Variants in SLC25A12 observed in about 807,000 individuals in gnomAD.
SLC25A12 encodes electrogenic aspartate/glutamate antiporter SLC25A12, mitochondrial.
SLC25A12 carries 32 observed loss-of-function variants against 83.3 expected under a neutral mutation model. That is an observed-to-expected ratio of 0.38 (90% confidence interval 0.29 to 0.52). The LOEUF is 0.52. Among genes scored for constraint, SLC25A12 ranks in the 20% least tolerant of loss-of-function variants. SLC25A12 has a pLI of 0.84. For missense variants in SLC25A12, 611 were observed against 835.6 expected, an observed-to-expected ratio of 0.73 and a Z score of 3.31; for synonymous variants, 267 against 291.1, an observed-to-expected ratio of 0.92 and a Z score of 0.84.
chr2:171,786,113 C>T (rs1026900626), intron 17 of SLC25A12, among the ~76,000 whole-genome samples: 4 of 151,744 alleles, frequency 2.6e-5, no homozygotes, highest in Admixed American at 6.6e-5. Flanking sequence ...TGGTGGCTCA[C>T]GCCTGTAATC....
intron 13 of SLC25A12, among the ~76,000 whole-genome samples, chr2:171,799,588 G>A (rs951759874): frequency 6.6e-6 from 1 of 152,180 alleles, no homozygotes; most frequent in Non-Finnish European, 1.5e-5. Context: ...TGTATGTGGT[G>A]TGTGTAGACA....
chr2:171,839,818 C>A (rs1037656110), intron 5 of SLC25A12, among the ~76,000 whole-genome samples: 5 of 152,132 alleles, frequency 3.3e-5, no homozygotes, highest in African/African-American at 9.7e-5. Context: ...ATTGGTACCT[C>A]TGGAAGTGAT....
intron 3 of SLC25A12, among the ~76,000 whole-genome samples, chr2:171,868,000 G>A (rs1406818050): frequency 2.0e-5 from 3 of 151,818 alleles, no homozygotes; most frequent in Admixed American, 6.6e-5. Context: ...GCCCGTCACC[G>A]TGTCTGGCTA....
chr2:171,791,104 G>C (rs1485481824), intron 15 of SLC25A12, among the ~76,000 whole-genome samples: 2 of 152,084 alleles, frequency 1.3e-5, no homozygotes, highest in Admixed American at 6.6e-5. Context: ...CTAAGCAACT[G>C]ATTTGAGGAA....
intron 2 of SLC25A12, among the ~76,000 whole-genome samples, chr2:171,885,967 C>G (rs890686184): frequency 6.6e-6 from 1 of 152,108 alleles, no homozygotes; most frequent in Non-Finnish European, 1.5e-5. Flanking sequence ...AAGTTAACAA[C>G]CTAGTATTTA....
At chr2:171,866,458 G>T (rs1685308798) in intron 3 of SLC25A12, among the ~76,000 whole-genome samples, 1 of 146,300 alleles carries the variant, frequency 6.8e-6, no homozygotes, top group Non-Finnish European at 1.5e-5. Context: ...GGCCGGGCAG[G>T]GGGCTGACCC....
chr2:171,888,139 T>C (rs1359732036), intron 2 of SLC25A12, among the ~76,000 whole-genome samples: 3 of 149,372 alleles, frequency 2.0e-5, no homozygotes, highest in African/African-American at 7.4e-5. Context: ...CTGTCACCCA[T>C]GCTGGAGTGC....
intron 13 of SLC25A12, among the ~76,000 whole-genome samples, chr2:171,809,115 T>G (rs1018384337): frequency 2.6e-5 from 4 of 152,232 alleles, no homozygotes; most frequent in African/African-American, 9.6e-5. Context: ...TGATGGGCAT[T>G]TGGGTTGGTT....
At chr2:171,891,298 C>CAA (rs778681604) in intron 2 of SLC25A12, among the ~76,000 whole-genome samples, 2 of 137,226 alleles carry the variant, frequency 1.5e-5, no homozygotes, top group Admixed American at 7.4e-5. Flanking sequence ...GACTCCATCT[C>CAA]AAAAAAAAAA....
intron 8 of SLC25A12, among the ~76,000 whole-genome samples, chr2:171,828,621 C>T (rs960718363): frequency 6.6e-6 from 1 of 152,162 alleles, no homozygotes; most frequent in Non-Finnish European, 1.5e-5. Context: ...TGTCGAGGGC[C>T]TGAGTGGAAT....
rs574868597 is a variant in SLC25A12 at position 171,789,167 on chromosome 2, C to G, written c.1586-1220G>C. On this transcript the variant is annotated intron_variant, in intron 15 of 17. Transcript: ENST00000422440. ...GTGGTTCACGCTTGTAATCCCAGCA[C>G]TTTGGAAGGCCAAGATGGGAGGATC... is the stretch of plus-strand genomic sequence containing the variant. 2.2e-4 allele frequency among the ~76,000 whole-genome samples: 33 copies of G among 152,290 alleles called. No homozygotes were observed. In the South Asian group the frequency reaches 6.8e-3, roughly 32 times the overall value.
intron 2 of SLC25A12, among the ~76,000 whole-genome samples, chr2:171,886,634 C>T (rs1344990822): frequency 6.6e-6 from 1 of 151,852 alleles, no homozygotes; most frequent in Non-Finnish European, 1.5e-5. Context: ...CTCAGCCTCC[C>T]GAGTAGCTGG....
chr2:171,809,297 T>C (rs1011737643), intron 13 of SLC25A12: 1 of 353,182 alleles, frequency 2.8e-6, no homozygotes, highest in African/African-American at 2.1e-5. Context: ...TCCACAATGG[T>C]TGAACTAATT....
intron 3 of SLC25A12, among the ~76,000 whole-genome samples, chr2:171,865,112 T>C (rs1189473089): frequency 6.6e-6 from 1 of 152,174 alleles, no homozygotes; most frequent in Non-Finnish European, 1.5e-5. Context: ...TTTTCACTGA[T>C]ATATTAATAA....
rs765660768 is a variant in SLC25A12 at position 171,793,628 on chromosome 2, T to C, written c.1445A>G (p.Lys482Arg). 6 of 1,614,050 alleles carry C rather than the reference T, an allele frequency of 3.7e-6. No individual in the cohort carries two copies. The highest frequency in any genetic ancestry group is 5.1e-6 in the Non-Finnish European group (6 of 1,180,016). ...ACATTATAACCTAAACCTACCCACC[T>C]TATACAGACCAAAAATTCCCAAGTC... is the stretch of plus-strand genomic sequence containing the variant. ...LRDLGIFGLYKGAKACFLRDI... is the reference protein window; with the variant it reads ...LRDLGIFGLYRGAKACFLRDI... Residue 482 changes from lysine to arginine, a missense_variant and splice_region_variant, in exon 14 of 18, where the codon AAG becomes AGG. By Grantham distance (26) the Lys-to-Arg change is conservative. Around this residue, in one of 3 missense-constraint regions of SLC25A12, gnomAD observed 540 missense variants for 777.5 expected, o/e 0.69. Coordinates refer to ENST00000422440, the MANE Select transcript of SLC25A12 (RefSeq NM_003705.5).
intron 2 of SLC25A12, among the ~76,000 whole-genome samples, chr2:171,882,105 T>A (rs1174512034): frequency 6.6e-6 from 1 of 152,174 alleles, no homozygotes; most frequent in African/African-American, 2.4e-5. Flanking sequence ...GCCATCTCTG[T>A]CTCCCAGCCT....
chr2:171,816,874 G>A, intron 9 of SLC25A12, among the ~76,000 whole-genome samples: 1 of 152,130 alleles, frequency 6.6e-6, no homozygotes, highest in Middle Eastern at 3.2e-3. Flanking sequence ...CAGATTCACT[G>A]CTTGTGACTC....
rs150424503 is a variant in SLC25A12, at chr2:171,815,744, T to C, written c.931-542A>G. On this transcript the variant is annotated intron_variant, in intron 9 of 17. Transcript: ENST00000422440. The stretch of plus-strand genomic sequence containing the variant: ...AAAAAGAGAAAAATTCCACCAGATG[T>C]TATTTCACAGGTATCCCACAGCATA... 1.4e-4 allele frequency among the ~76,000 whole-genome samples: 22 copies of C among 152,216 alleles called. 1 individual carries two copies. The highest frequency in any genetic ancestry group is 5.3e-4 in the African/African-American group (22 of 41,558).
chr2:171,856,946 T>C (rs529091370), intron 3 of SLC25A12, among the ~76,000 whole-genome samples: 1 of 152,296 alleles, frequency 6.6e-6, no homozygotes, highest in Admixed American at 6.5e-5. Flanking sequence ...TGCTTCAAAA[T>C]AATCCAGAGG....
Sources: allele counts gnomAD v4.1 joint callset (sites outside exome capture counted in the v4.1 genomes callset), GRCh38; gene constraint gnomAD v4.1.1; regional missense constraint gnomAD v4.1.1; transcripts MANE v1.5; gene names NCBI Gene and HGNC (gene_info 2026-07-23, HGNC 2026-07-21).